C12orf42: variants seen among roughly 807,000 people sequenced by gnomAD.
C12orf42 encodes uncharacterized protein C12orf42.
Under a neutral mutation model 21.6 loss-of-function variants are expected in C12orf42, and 25 were observed. The observed-to-expected ratio is 1.16, with a 90% confidence interval of 0.84 to 1.62. The LOEUF (loss-of-function observed/expected upper bound fraction) is 1.62. Among genes scored for constraint, C12orf42 ranks in the 40% most tolerant of loss-of-function variants. C12orf42 has a pLI of 0.00. For synonymous variants in C12orf42, 174 were observed against 175.0 expected, an observed-to-expected ratio of 0.99 and a Z score of 0.05; for missense variants, 483 against 459.3, an observed-to-expected ratio of 1.05 and a Z score of -0.47.
At chr12:103,277,405 C>A (rs2035834790) in intron 4 of C12orf42, among the ~76,000 whole-genome samples, 1 of 152,062 alleles carries the variant, frequency 6.6e-6, no homozygotes, top group Non-Finnish European at 1.5e-5. Flanking sequence ...GTTAAACTAT[C>A]GTATCTGCTT....
At chr12:103,235,058 G>T (rs1440075145), downstream of C12orf42, among the ~76,000 whole-genome samples, 2 of 152,092 alleles carry the variant, frequency 1.3e-5, no homozygotes, top group Non-Finnish European at 2.9e-5. Flanking sequence ...TTTTGAAAGT[G>T]TCTATCTGCC....
chr12:103,150,309 CA>C, the C12orf42 span, among the ~76,000 whole-genome samples: 21 of 152,126 alleles, frequency 1.4e-4, no homozygotes, highest in African/African-American at 4.8e-4. Context: ...TAGGCAAAAG[CA>C]GAAACAGCTA....
chr12:103,078,551 G>T, the C12orf42 span, among the ~76,000 whole-genome samples: 1 of 152,152 alleles, frequency 6.6e-6, no homozygotes, highest in Non-Finnish European at 1.5e-5. Flanking sequence ...TGATTTAATT[G>T]TCAAACATAA....
At chr12:103,314,518 T>A (rs1359904752) in intron 4 of C12orf42, among the ~76,000 whole-genome samples, 1 of 152,158 alleles carries the variant, frequency 6.6e-6, no homozygotes, top group Non-Finnish European at 1.5e-5. Context: ...AGAATAAAAA[T>A]CTTCTGGGGA....
chr12:103,160,934 A>T, the C12orf42 span, among the ~76,000 whole-genome samples: 523 of 152,296 alleles, frequency 3.4e-3, no homozygotes, highest in Non-Finnish European at 5.8e-3. Context: ...GCTTAATTTC[A>T]GTTTCCTCAG....
chr12:103,233,728 A>C (rs996439453), downstream of C12orf42, among the ~76,000 whole-genome samples: 1 of 152,146 alleles, frequency 6.6e-6, no homozygotes, highest in Non-Finnish European at 1.5e-5. Context: ...TTGTCCAGGA[A>C]CTTTACAGAT....
intron 4 of C12orf42, among the ~76,000 whole-genome samples, chr12:103,295,075 C>T (rs2037161175): frequency 6.6e-6 from 1 of 152,144 alleles, no homozygotes; most frequent in Non-Finnish European, 1.5e-5. Context: ...CCAGCTCCAT[C>T]CATGTTCCTG....
intron 3 of C12orf42, among the ~76,000 whole-genome samples, chr12:103,399,658 CT>C (rs2047828913): frequency 9.8e-6 from 1 of 102,262 alleles, no homozygotes; most frequent in East Asian, 4.4e-4. Flanking sequence ...AATTATTTAT[CT>C]GAATTATTTA....
intron 3 of C12orf42, among the ~76,000 whole-genome samples, chr12:103,372,369 T>C (rs998794741): frequency 1.3e-5 from 2 of 152,192 alleles, no homozygotes; most frequent in Admixed American, 6.5e-5. Flanking sequence ...GTGAACATGT[T>C]AAAATGCAAA....
chr12:103,161,185 C>G, the C12orf42 span, among the ~76,000 whole-genome samples: 1 of 151,992 alleles, frequency 6.6e-6, no homozygotes, highest in Admixed American at 6.5e-5. Context: ...TTGGAGATAC[C>G]CAAGTCTTGA....
chr12:103,159,737 A>G, the C12orf42 span, among the ~76,000 whole-genome samples: 35 of 152,244 alleles, frequency 2.3e-4, no homozygotes, highest in Middle Eastern at 3.4e-3. Flanking sequence ...ATTTGTCCCT[A>G]TGTTCATGGT....
intron 1 of C12orf42, among the ~76,000 whole-genome samples, chr12:103,483,610 T>G (rs1054959517): frequency 6.6e-6 from 1 of 152,212 alleles, no homozygotes; most frequent in African/African-American, 2.4e-5. Flanking sequence ...AAGCAGCCGT[T>G]TTTTTGCTGA....
intron 4 of C12orf42, among the ~76,000 whole-genome samples, chr12:103,294,951 T>A (rs1296941786): frequency 6.6e-6 from 1 of 152,092 alleles, no homozygotes; most frequent in Non-Finnish European, 1.5e-5. Context: ...CCCCAGTGTG[T>A]GTTGTTTCCC....
rs1566026240 is a variant in C12orf42 at position 103,294,653 on chromosome 12, A to AAG, written n.338-17445_338-17444dup. 5.3e-5 allele frequency among the ~76,000 whole-genome samples: 8 copies of AAG among 151,752 alleles called. No homozygotes were observed. In the East Asian group the frequency reaches 1.2e-3, roughly 22 times the overall value. ...GAAAGAAAGAAGGAAAAGAAAGAGA[A>AAG]AGAAAGAAAGAAGGAAAAAACCTTG... is the stretch of plus-strand genomic sequence containing the variant. On this transcript the variant is annotated intron_variant and non_coding_transcript_variant, in intron 4 of 6. Transcript: ENST00000546526.
At chr12:103,126,418 A>G in the C12orf42 span, among the ~76,000 whole-genome samples, 1 of 152,222 alleles carries the variant, frequency 6.6e-6, no homozygotes, top group Non-Finnish European at 1.5e-5. Flanking sequence ...GGAATGAGTA[A>G]CTTCTTAATA....
chr12:103,251,143 G>T (rs1034625805), intron 10 of C12orf42, among the ~76,000 whole-genome samples: 2 of 152,018 alleles, frequency 1.3e-5, no homozygotes, highest in East Asian at 3.9e-4. Context: ...GACCTCATGG[G>T]CTGGTCATGC....
At chr12:103,391,161 TTATA>T (rs143705802) in intron 3 of C12orf42, among the ~76,000 whole-genome samples, 2 of 150,702 alleles carry the variant, frequency 1.3e-5, no homozygotes, top group African/African-American at 2.4e-5. Flanking sequence ...ATATTCGGTT[TTATA>T]TATATATATA....
intron 10 of C12orf42, among the ~76,000 whole-genome samples, chr12:103,242,710 T>C (rs1308505074): frequency 2.0e-5 from 3 of 152,234 alleles, no homozygotes; most frequent in East Asian, 3.9e-4. Flanking sequence ...TTGGAATAGG[T>C]GATGAAACAT....
chr12:103,467,974 C>CT (rs1953279609), intron 2 of C12orf42, among the ~76,000 whole-genome samples: 1 of 152,114 alleles, frequency 6.6e-6, no homozygotes, highest in East Asian at 1.9e-4. Context: ...CTTTTTCTAC[C>CT]TGGGTCTCTG....
Sources: gnomAD v4.1 joint callset for allele counts (sites outside exome capture counted in the v4.1 genomes callset) on GRCh38, gnomAD v4.1.1 for gene constraint, MANE v1.5 for transcripts, NCBI Gene and HGNC (gene_info 2026-07-23, HGNC 2026-07-21) for gene names.